CNKSR2: variants seen among roughly 807,000 people sequenced by gnomAD.
CNKSR2 encodes CNK homolog protein 2.
In CNKSR2, 14 loss-of-function variants were observed where a neutral mutation model predicts 84.4. The observed-to-expected ratio is 0.17, with a 90% CI of 0.11 to 0.26. The LOEUF (loss-of-function observed/expected upper bound fraction) is 0.26. Ranked by LOEUF, CNKSR2 falls within the 10% of genes least tolerant of loss-of-function variation. The pLI is 1.00. For synonymous variants in CNKSR2, 275 were observed against 277.9 expected, an observed-to-expected ratio of 0.99 and a Z score of 0.10; for missense variants, 485 against 771.2, an observed-to-expected ratio of 0.63 and a Z score of 4.40.
chrX:21,576,617 G>A (rs955356533), intron 13 of CNKSR2, among the ~76,000 whole-genome samples: 2 of 111,073 alleles, frequency 1.8e-5, no homozygotes, highest in Admixed American at 1.9e-4. Flanking sequence ...GACTGATAAA[G>A]AGAAAAAGGA....
chrX:21,505,948 C>T (rs1049341709), intron 8 of CNKSR2: 2 of 110,061 alleles, frequency 1.8e-5, no homozygotes, highest in East Asian at 5.7e-4. Context: ...TCATTCTCAT[C>T]TCTTCTCACT....
rs770201555 is a variant in CNKSR2, at chrX:21,453,034, A to G, written c.519+12253A>G. On this transcript the variant is annotated intron_variant, in intron 4 of 21. Coordinates refer to ENST00000379510, the MANE Select transcript of CNKSR2 (RefSeq NM_014927.5). ...GCCACACTCCTCCAGAGTTATCTCT[A>G]TATACTATCCTGGAAAATATGAGTA... Among the ~76,000 whole-genome samples, 290 of 110,040 alleles carry G rather than the reference A, an allele frequency of 2.6e-3. 1 individual carries two copies. Among genetic ancestry groups the G allele is most frequent in the African/African-American group, 8.7e-3 (265 of 30,339 alleles).
intron 11 of CNKSR2, among the ~76,000 whole-genome samples, chrX:21,535,454 A>T (rs1035174665): frequency 9.0e-6 from 1 of 110,956 alleles, no homozygotes; most frequent in Non-Finnish European, 1.9e-5. Flanking sequence ...GAATCTGTAG[A>T]TTGCTTTGGG....
intron 2 of CNKSR2, 61 bp downstream of exon 2, chrX:21,426,721 CT>C: frequency 9.2e-7 from 1 of 1,086,310 alleles, no homozygotes; most frequent in Non-Finnish European, 1.2e-6. Flanking sequence ...TTGCTTTTCC[CT>C]TTTTTCTTCT....
chrX:21,402,554 G>A (rs758404478), intron 1 of CNKSR2, among the ~76,000 whole-genome samples: 5 of 110,842 alleles, frequency 4.5e-5, no homozygotes, highest in Admixed American at 2.9e-4. Context: ...ATCTTAGAAC[G>A]TGAAACTAGT....
chrX:21,651,002 C>T (rs1238186100), intron 21 of CNKSR2, among the ~76,000 whole-genome samples: 4 of 111,780 alleles, frequency 3.6e-5, no homozygotes, highest in Non-Finnish European at 7.5e-5. Flanking sequence ...AGAAGGCAGG[C>T]AGGCATTTTG....
At chrX:21,453,490 A>G (rs1226467854) in intron 4 of CNKSR2, among the ~76,000 whole-genome samples, 2 of 111,348 alleles carry the variant, frequency 1.8e-5, no homozygotes, top group Non-Finnish European at 3.8e-5. Flanking sequence ...TAAAACTCAT[A>G]TTATTTAACA....
At chrX:21,601,495 CTT>C (rs2092482096) in intron 18 of CNKSR2, 146 bp downstream of exon 18, 1 of 404,503 alleles carries the variant, frequency 2.5e-6, no homozygotes, top group Non-Finnish European at 4.3e-6. Flanking sequence ...GGTTTAACAA[CTT>C]ATATAGATAG....
chrX:21,596,507 T>G (rs1045872321), intron 17 of CNKSR2, among the ~76,000 whole-genome samples: 1 of 111,639 alleles, frequency 9.0e-6, no homozygotes, highest in Non-Finnish European at 1.9e-5. Flanking sequence ...ATACGTTGGG[T>G]TCTTACTCCA....
intron 5 of CNKSR2, among the ~76,000 whole-genome samples, chrX:21,473,141 C>T (rs780389806): frequency 9.0e-6 from 1 of 110,951 alleles, no homozygotes; most frequent in African/African-American, 3.3e-5. Flanking sequence ...AAATGAATGC[C>T]GTATATTTAC....
At chrX:21,634,178 T>C (rs2092659871) in intron 20 of CNKSR2, among the ~76,000 whole-genome samples, 1 of 112,079 alleles carries the variant, frequency 8.9e-6, no homozygotes, top group South Asian at 3.7e-4. Flanking sequence ...TTGAGGATTG[T>C]TTATGATGTA....
chrX:21,390,220 G>T (rs1298285949), intron 1 of CNKSR2, among the ~76,000 whole-genome samples: 1 of 111,799 alleles, frequency 8.9e-6, no homozygotes, highest in Non-Finnish European at 1.9e-5. Flanking sequence ...TTGATAATCA[G>T]CTGTATATAT....
intron 1 of CNKSR2, among the ~76,000 whole-genome samples, chrX:21,390,696 C>T (rs2090037519): frequency 8.9e-6 from 1 of 111,807 alleles, no homozygotes; most frequent in Non-Finnish European, 1.9e-5. Context: ...CCCGGCCTCT[C>T]CCAAATCTCA....
chrX:21,577,533 G>A (rs937725088), intron 13 of CNKSR2, among the ~76,000 whole-genome samples: 2 of 110,896 alleles, frequency 1.8e-5, no homozygotes, highest in African/African-American at 6.5e-5. Flanking sequence ...ATCAGAGAGC[G>A]TAAAGAAGCC....
At chrX:21,480,192 C>G (rs2091302435) in intron 5 of CNKSR2, among the ~76,000 whole-genome samples, 1 of 111,424 alleles carries the variant, frequency 9.0e-6, no homozygotes, top group South Asian at 3.8e-4. Flanking sequence ...CCACAAAACT[C>G]ATAACTGACA....
At position 21,439,416 on chromosome X, in the gene CNKSR2, CA is replaced by C. The variant is rs1569168991; in HGVS notation, c.432-1274del. Among the ~76,000 whole-genome samples, 3 of 110,256 alleles carry C rather than the reference CA, an allele frequency of 2.7e-5. No homozygotes were observed. The South Asian group carries it at 1.1e-3, about 41-fold the overall frequency. On this transcript the variant is annotated intron_variant, in intron 3 of 21. Transcript: ENST00000379510. ...TATATATATCAGAAATATATATATT[CA>C]AAATATATCAGAAATATATATAGTA...
intron 1 of CNKSR2, among the ~76,000 whole-genome samples, chrX:21,376,261 C>G (rs1601708169): frequency 8.9e-6 from 1 of 111,981 alleles, no homozygotes; most frequent in Non-Finnish European, 1.9e-5. Flanking sequence ...TTTTCCCCAG[C>G]CTTTTTGGCC....
chrX:21,637,807 G>T (rs1037863855), intron 20 of CNKSR2, among the ~76,000 whole-genome samples: 3 of 111,468 alleles, frequency 2.7e-5, no homozygotes, highest in African/African-American at 9.8e-5. Context: ...TTAGAAGAAG[G>T]GGAGGCTCCA....
intron 1 of CNKSR2, among the ~76,000 whole-genome samples, chrX:21,392,968 T>C (rs60959728): frequency 0.063 from 6,987 of 111,619 alleles, 569 homozygotes; most frequent in African/African-American, 0.22. Flanking sequence ...TTTAGTTTAA[T>C]GGTGTGAAAA....
Sources: allele counts gnomAD v4.1 joint callset (sites outside exome capture counted in the v4.1 genomes callset), GRCh38; gene constraint gnomAD v4.1.1; transcripts MANE v1.5; gene names NCBI Gene and HGNC (gene_info 2026-07-23, HGNC 2026-07-21).